The following RIMS1 variants were observed in gnomAD, a reference collection of about 807,000 sequenced individuals.
RIMS1 encodes regulating synaptic membrane exocytosis 1, also known as regulating synaptic membrane exocytosis protein 1.
In RIMS1, 83 loss-of-function variants were observed where a neutral mutation model predicts 214.1. The ratio of observed to expected loss-of-function variants is 0.39; its 90% CI spans 0.32 to 0.47. The LOEUF is 0.47. Ranked by LOEUF, RIMS1 falls within the 20% of genes least tolerant of loss-of-function variation. RIMS1 has a pLI of 0.99. For synonymous variants in RIMS1, 793 were observed against 786.8 expected (o/e 1.01, Z -0.13); for missense variants, 2,050 against 2,161.8 (o/e 0.95, Z 1.03).
At chr6:72,035,595 A>C (rs1333549979) in intron 2 of RIMS1, among the ~76,000 whole-genome samples, 1 of 152,210 alleles carries the variant, frequency 6.6e-6, no homozygotes, top group Non-Finnish European at 1.5e-5. Context: ...ATGTGCCCAC[A>C]GTAGAAAATT....
At chr6:72,309,943 A>T (rs2095427676) in intron 27 of RIMS1, among the ~76,000 whole-genome samples, 1 of 152,080 alleles carries the variant, frequency 6.6e-6, no homozygotes, top group Admixed American at 6.5e-5. Flanking sequence ...CCTTTTGCAT[A>T]TACTTGAGAA....
intron 2 of RIMS1, among the ~76,000 whole-genome samples, chr6:72,004,489 G>A (rs1806620809): frequency 6.6e-6 from 1 of 151,756 alleles, no homozygotes; most frequent in Non-Finnish European, 1.5e-5. Flanking sequence ...CCCACCAACA[G>A]TGTAAAAGTG....
chr6:71,973,431 G>C (rs2151394342), intron 2 of RIMS1, among the ~76,000 whole-genome samples: 1 of 152,268 alleles, frequency 6.6e-6, no homozygotes, highest in South Asian at 2.1e-4. Flanking sequence ...TGTCAATGGG[G>C]CTCCGGGTGG....
chr6:72,147,170 T>C (rs1422739846), intron 4 of RIMS1, among the ~76,000 whole-genome samples: 1 of 152,264 alleles, frequency 6.6e-6, no homozygotes, highest in Non-Finnish European at 1.5e-5. Flanking sequence ...TAAAGTCATA[T>C]GAATTAAAAG....
chr6:72,366,890 A>C (rs1347727312), intron 29 of RIMS1: 8 of 970,590 alleles, frequency 8.2e-6, no homozygotes, highest in Non-Finnish European at 9.8e-6. Flanking sequence ...CCTTATATGT[A>C]TTTACTAAGT....
At chr6:72,398,175 G>T in intron 31 of RIMS1, 74 bp from the exon 32 acceptor site, 1 of 852,324 alleles carries the variant, frequency 1.2e-6, no homozygotes. Flanking sequence ...AGTCTGTTAC[G>T]GGCTCTCCTT....
chr6:72,080,851 TAAAAAA>T (rs1413068027), intron 2 of RIMS1, among the ~76,000 whole-genome samples: 1 of 152,074 alleles, frequency 6.6e-6, no homozygotes, highest in African/African-American at 2.4e-5. Context: ...ACTTACACTT[TAAAAAA>T]ACAGGGAAAT....
At chr6:72,181,014 T>G (rs948515675) in intron 5 of RIMS1, among the ~76,000 whole-genome samples, 3 of 152,248 alleles carry the variant, frequency 2.0e-5, no homozygotes, top group African/African-American at 7.2e-5. Flanking sequence ...GTAGTCATTG[T>G]GTATTTACTA....
At chr6:72,263,049 T>C in intron 19 of RIMS1, 1 of 915,666 alleles carries the variant, frequency 1.1e-6, no homozygotes, top group Non-Finnish European at 1.3e-6. Flanking sequence ...AAATCAGATC[T>C]ATTTGATATC....
intron 29 of RIMS1, among the ~76,000 whole-genome samples, chr6:72,381,306 A>G (rs1271106569): frequency 6.6e-6 from 1 of 151,760 alleles, no homozygotes; most frequent in Non-Finnish European, 1.5e-5. Context: ...TAACTTAATC[A>G]CTGCTTTAAA....
At chr6:71,980,194 G>A (rs1254134822) in intron 2 of RIMS1, among the ~76,000 whole-genome samples, 2 of 152,006 alleles carry the variant, frequency 1.3e-5, no homozygotes, top group South Asian at 2.1e-4. Context: ...TATAATGGTG[G>A]TGTGGACTCT....
intron 4 of RIMS1, among the ~76,000 whole-genome samples, chr6:72,113,641 A>G (rs556087952): frequency 4.7e-5 from 7 of 150,388 alleles, no homozygotes; most frequent in African/African-American, 1.7e-4. Context: ...TTTAGTAAAT[A>G]TATTCAAATA....
At chr6:72,393,651 C>T (rs573269941) in intron 31 of RIMS1, among the ~76,000 whole-genome samples, 15 of 151,906 alleles carry the variant, frequency 9.9e-5, no homozygotes, top group Non-Finnish European at 1.8e-4. Context: ...GGCGTGAACC[C>T]GGGAAGTGGA....
intron 1 of RIMS1, among the ~76,000 whole-genome samples, chr6:71,945,918 T>A (rs2151068712): frequency 6.6e-6 from 1 of 152,246 alleles, no homozygotes; most frequent in Non-Finnish European, 1.5e-5. Flanking sequence ...CTCAGCTAAT[T>A]TTTGTATTTT....
intron 1 of RIMS1, among the ~76,000 whole-genome samples, chr6:71,964,984 A>G (rs1396833755): frequency 6.6e-6 from 1 of 152,150 alleles, no homozygotes; most frequent in Non-Finnish European, 1.5e-5. Flanking sequence ...AAAATTGTAT[A>G]TTTGAAAAAC....
At chr6:71,944,815 C>A (rs1787285917) in intron 1 of RIMS1, among the ~76,000 whole-genome samples, 1 of 152,066 alleles carries the variant, frequency 6.6e-6, no homozygotes, top group South Asian at 2.1e-4. Context: ...TCAGATCATA[C>A]ATTGATATTT....
chr6:72,221,901 T>G (rs902572465), intron 6 of RIMS1, among the ~76,000 whole-genome samples: 1 of 151,968 alleles, frequency 6.6e-6, no homozygotes, highest in Non-Finnish European at 1.5e-5. Flanking sequence ...TTACGGAAAT[T>G]AGGTGAAATA....
chr6:72,055,419 G>A (rs1036679660), intron 2 of RIMS1, among the ~76,000 whole-genome samples: 5 of 152,112 alleles, frequency 3.3e-5, no homozygotes, highest in Non-Finnish European at 1.5e-5. Context: ...GTATTTCCAC[G>A]AGTAACCCAA....
At chr6:72,275,199 GT>G (rs1485139418) in intron 23 of RIMS1, among the ~76,000 whole-genome samples, 2 of 132,838 alleles carry the variant, frequency 1.5e-5, no homozygotes, top group East Asian at 4.4e-4. Flanking sequence ...CTTTAAATGT[GT>G]TTTCCTGACT....
Sources: allele counts gnomAD v4.1 joint callset (sites outside exome capture counted in the v4.1 genomes callset), GRCh38; gene constraint gnomAD v4.1.1; transcripts MANE v1.5; gene names NCBI Gene and HGNC (gene_info 2026-07-23, HGNC 2026-07-21).